The following ACBD5 variants were observed in gnomAD, a reference collection of about 807,000 sequenced individuals.
ACBD5 encodes acyl-CoA-binding domain-containing protein 5.
Under a neutral mutation model 71.8 loss-of-function variants are expected in ACBD5, and 40 were observed. That is an observed-to-expected ratio of 0.56 (90% confidence interval 0.43 to 0.72). The LOEUF is 0.72. ACBD5 is among the 30% of genes least tolerant of loss of function. ACBD5 has a pLI of 0.00. For missense variants in ACBD5, 559 were observed against 644.5 expected, an observed-to-expected ratio of 0.87 and a Z score of 1.44; for synonymous variants, 229 against 218.6, an observed-to-expected ratio of 1.05 and a Z score of -0.42.
chr10:27,215,507 T>C (rs374296540), intron 8 of ACBD5, 28 bp downstream of exon 8: 2 of 1,500,714 alleles, frequency 1.3e-6, no homozygotes, highest in Non-Finnish European at 1.8e-6. Flanking sequence ...ACTTTGAAAA[T>C]ACACCAATCA....
Position 27,231,863 on chromosome 10 carries a change from T to C in ACBD5, c.303-43A>G, listed in dbSNP as rs776141079. 1.4e-5 allele frequency: 22 copies of C among 1,552,620 alleles called. No homozygotes were observed. The East Asian group carries it at 4.9e-4, about 35-fold the overall frequency. ...CACAAAATGACAAAGAGACATCTGA[T>C]TTTAATTGCTCAGAATACAATTTAT... On this transcript the variant is annotated intron_variant, in intron 3 of 12. Coordinates refer to ENST00000396271, the MANE Select transcript of ACBD5 (RefSeq NM_145698.5).
At chr10:27,234,730 G>A (rs374274012) in intron 3 of ACBD5, among the ~76,000 whole-genome samples, 8 of 152,250 alleles carry the variant, frequency 5.3e-5, no homozygotes, top group African/African-American at 1.2e-4. Context: ...CCAGCAGTTC[G>A]AGACCAGCGT....
At chr10:27,214,882 G>A (rs1309441285) in intron 8 of ACBD5, among the ~76,000 whole-genome samples, 1 of 152,146 alleles carries the variant, frequency 6.6e-6, no homozygotes, top group Non-Finnish European at 1.5e-5. Context: ...CCCATTTTTA[G>A]GTTGGGCACA....
At chr10:27,192,391 A>C (rs368354993), downstream of ACBD5, among the ~76,000 whole-genome samples, 3 of 152,284 alleles carry the variant, frequency 2.0e-5, no homozygotes, top group South Asian at 2.1e-4. Flanking sequence ...CCAGAGAGTA[A>C]CTGACTGCTG....
At position 27,240,602 on chromosome 10, in the gene ACBD5, G is replaced by T; in HGVS notation, c.15+72C>A. The T allele has an allele frequency of 6.4e-7, 1 of 1,550,958 alleles. No individual in the cohort carries two copies. The highest frequency in any genetic ancestry group is 8.7e-7 in the Non-Finnish European group (1 of 1,146,940). On this transcript the variant is annotated intron_variant, in intron 1 of 12. Transcript: ENST00000396271. The surrounding 1 kb of genome is among the most constrained non-coding windows in gnomAD (Gnocchi z 4.1). Reference sequence around the variant, plus strand: ...CAGGCCACACAGATCGAAGCGGCCCGGCTCCTTCCTCCTCCCCCGGGGCGT... The same window carrying T: ...CAGGCCACACAGATCGAAGCGGCCCTGCTCCTTCCTCCTCCCCCGGGGCGT...
intron 12 of ACBD5, among the ~76,000 whole-genome samples, chr10:27,200,947 G>A (rs1324874700): frequency 6.6e-6 from 1 of 152,030 alleles, no homozygotes; most frequent in Non-Finnish European, 1.5e-5. Flanking sequence ...TGAGGTGGGA[G>A]GATCTCTTGA....
upstream of ACBD5, chr10:27,242,070 C>G (rs1220972700): frequency 8.8e-6 from 4 of 453,446 alleles, no homozygotes; most frequent in Non-Finnish European, 1.8e-5. Flanking sequence ...TTGGTATTGC[C>G]GGACAAGGCC....
chr10:27,183,989 GGCATGA>G (rs1465159487), intron 13 of ACBD5, among the ~76,000 whole-genome samples: 38 of 152,290 alleles, frequency 2.5e-4, no homozygotes, highest in African/African-American at 8.2e-4. Context: ...TGGGATTACA[GGCATGA>G]GCCACCACGC....
chr10:27,186,520 C>G, intron 13 of ACBD5: 8 of 1,614,028 alleles, frequency 5.0e-6, no homozygotes, highest in Non-Finnish European at 6.8e-6. Flanking sequence ...CTGACTGTAT[C>G]TGGATTTAGT....
At chr10:27,186,825 A>G (rs929207559) in intron 13 of ACBD5, 3 of 385,326 alleles carry the variant, frequency 7.8e-6, no homozygotes, top group African/African-American at 6.2e-5. Flanking sequence ...AGAGGACACT[A>G]TTGAGAGTGA....
chr10:27,212,916 A>T (rs1190067072), intron 8 of ACBD5, among the ~76,000 whole-genome samples: 2 of 152,114 alleles, frequency 1.3e-5, no homozygotes, highest in Non-Finnish European at 2.9e-5. Flanking sequence ...AAAATTTGAG[A>T]AAAGGGGTAG....
At chr10:27,218,588 GT>G (rs11347518) in intron 6 of ACBD5, among the ~76,000 whole-genome samples, 109,365 of 142,950 alleles carry the variant, frequency 0.77, 43,920 homozygotes, top group Non-Finnish European at 0.91. Context: ...AAGTTACACA[GT>G]TTTTTTTTTT....
At chr10:27,237,774 C>A (rs1200719003) in intron 2 of ACBD5, among the ~76,000 whole-genome samples, 1 of 151,664 alleles carries the variant, frequency 6.6e-6, no homozygotes, top group Non-Finnish European at 1.5e-5. Context: ...GAACTCGCCA[C>A]TACACTCAGC....
At position 27,218,015 on chromosome 10, in the gene ACBD5, C is replaced by T; in HGVS notation, c.794G>A (p.Gly265Glu). 5 of 1,614,012 alleles carry T rather than the reference C, an allele frequency of 3.1e-6. No homozygotes were observed. Among genetic ancestry groups the T allele is most frequent in the Non-Finnish European group, 4.2e-6 (5 of 1,180,012 alleles). ...GCAAACAGCAGATTTTCCAGTTTGC[C>T]CCAAGTTTTCATCAATGGGCTTTAC... ...EEVKPIDENL[G>E]QTGKSAVCIH... The change falls in exon 7 of 13, where the codon GGG becomes GAG. Residue 265 changes from glycine to glutamate, a missense_variant. Coordinates refer to ENST00000396271, the MANE Select transcript of ACBD5 (RefSeq NM_145698.5).
intron 8 of ACBD5, among the ~76,000 whole-genome samples, chr10:27,211,677 T>C (rs143713490): frequency 1.9e-3 from 285 of 152,038 alleles, no homozygotes; most frequent in Non-Finnish European, 2.6e-3. Context: ...ATGCTTACCT[T>C]ATTCTTAGAG....
intron 7 of ACBD5, among the ~76,000 whole-genome samples, chr10:27,216,686 A>G (rs1169626866): frequency 6.6e-6 from 1 of 152,198 alleles, no homozygotes; most frequent in Non-Finnish European, 1.5e-5. Flanking sequence ...AATTTAGTTG[A>G]TAATTTTTAT....
intron 4 of ACBD5, among the ~76,000 whole-genome samples, chr10:27,229,742 CAA>C (rs1305495868): frequency 6.6e-6 from 1 of 152,064 alleles, no homozygotes; most frequent in Non-Finnish European, 1.5e-5. Context: ...AAAAATAATT[CAA>C]AAGAGTAATC....
At chr10:27,209,993 G>C (rs2060891979) in intron 9 of ACBD5, among the ~76,000 whole-genome samples, 2 of 152,076 alleles carry the variant, frequency 1.3e-5, no homozygotes, top group Admixed American at 1.3e-4. Context: ...AATTTCCCCT[G>C]ATCTCTTTAA....
Position 27,195,713 on chromosome 10 carries a change from T to C in ACBD5, c.*1717A>G, listed in dbSNP as rs1235884505. 1 of 421,390 alleles carries C rather than the reference T, an allele frequency of 2.4e-6. No individual in the cohort carries two copies. Among genetic ancestry groups the C allele is most frequent in the Non-Finnish European group, 4.6e-6 (1 of 218,070 alleles). 26.1% of individuals were successfully genotyped at this position (421,390 alleles called of 1,614,324 possible). A position where few individuals can be genotyped will look rare whatever the true frequency, so the allele number is the denominator to read the frequency against. On this transcript the variant is annotated 3_prime_UTR_variant, in exon 13 of 13. Coordinates refer to ENST00000396271, the MANE Select transcript of ACBD5 (RefSeq NM_145698.5). Reference sequence around the variant, plus strand: ...CTTTAGACAGACATATTTTAATCAGTATGGGATTAAATAATTAAAGTTATT... The same window carrying C: ...CTTTAGACAGACATATTTTAATCAGCATGGGATTAAATAATTAAAGTTATT...
Sources: gnomAD v4.1 joint callset for allele counts (sites outside exome capture counted in the v4.1 genomes callset) on GRCh38, gnomAD v4.1.1 for gene constraint, Gnocchi (gnomAD v3.1) non-coding constraint, MANE v1.5 for transcripts, NCBI Gene and HGNC (gene_info 2026-07-23, HGNC 2026-07-21) for gene names.